PCDHGB6: variants seen among roughly 807,000 people sequenced by gnomAD.
The protein encoded by PCDHGB6 is protocadherin gamma-B6.
A neutral mutation model predicts 59.1 loss-of-function variants in PCDHGB6; 51 were observed. That is an observed-to-expected ratio of 0.86 (90% confidence interval 0.69 to 1.09). PCDHGB6 has a LOEUF of 1.09. Among genes scored for constraint, PCDHGB6 ranks in the 50% least tolerant of loss-of-function variants. The pLI is 0.00. For synonymous variants in PCDHGB6, 466 were observed against 495.1 expected (o/e 0.94, Z 0.78); for missense variants, 1,148 against 1,205.1 (o/e 0.95, Z 0.70).
chr5:141,495,853 C>T (rs1254274145), intron 2 of PCDHGB6, among the ~76,000 whole-genome samples: 1 of 152,136 alleles, frequency 6.6e-6, no homozygotes, highest in African/African-American at 2.4e-5. Context: ...TTCTCTGTCT[C>T]TCACTATTTC....
At chr5:141,415,885 C>G in intron 1 of PCDHGB6, 2 of 979,016 alleles carry the variant, frequency 2.0e-6, no homozygotes, top group Non-Finnish European at 2.7e-6. Flanking sequence ...ACAATATTGA[C>G]AATTCCTAAG....
rs762926348 is a variant in PCDHGB6, at chr5:141,408,364, A to C, written c.162A>C (p.Leu54=). ...GSVVGNLAKD[L]GLSVLDVSAR... ...TGGTGGGGAACCTCGCTAAGGATCTAGGGCTCAGTGTCCTGGATGTGTCGG... is the reference window on the plus strand; with the variant it reads ...TGGTGGGGAACCTCGCTAAGGATCTCGGGCTCAGTGTCCTGGATGTGTCGG... The change falls in exon 1 of 4, where the codon CTA becomes CTC. Residue 54 remains leucine, a synonymous_variant. Transcript: ENST00000520790. 3.7e-6 allele frequency: 6 copies of C among 1,613,960 alleles called. No individual in the cohort carries two copies. In the East Asian group the frequency reaches 1.3e-4, roughly 36 times the overall value.
chr5:141,422,762 C>A (rs745320796), intron 1 of PCDHGB6: 1 of 1,613,392 alleles, frequency 6.2e-7, no homozygotes, highest in Admixed American at 1.7e-5. Context: ...AACTCCAACA[C>A]TGGTGTTCTC....
intron 1 of PCDHGB6, chr5:141,427,312 C>T (rs1438759401): frequency 4.4e-6 from 2 of 456,954 alleles, no homozygotes; most frequent in East Asian, 6.9e-5. Context: ...GACAATGCCC[C>T]AGACGTGGTT....
intron 1 of PCDHGB6, among the ~76,000 whole-genome samples, chr5:141,472,213 C>T (rs1294676431): frequency 2.0e-5 from 3 of 152,178 alleles, no homozygotes; most frequent in African/African-American, 7.2e-5. Flanking sequence ...TAAGACCTTA[C>T]TCTCGATCAT....
chr5:141,409,034 AACT>A lies in PCDHGB6; in HGVS notation c.839_841del (p.Tyr280del). On this transcript the variant is annotated inframe_deletion, in exon 1 of 4. Transcript: ENST00000520790. ...GGATGAGGGGGTCAATGCTGAGATA[AACT>A]ACTACTTCCGAAGCACTGCCCAGAG... 6 of 1,613,992 alleles carry A rather than the reference AACT, an allele frequency of 3.7e-6. No individual in the cohort carries two copies. Among genetic ancestry groups the A allele is most frequent in the Non-Finnish European group, 4.2e-6 (5 of 1,179,906 alleles).
In PCDHGB6 at chr5:141,474,831, G is replaced by A. The variant is rs188288898; in HGVS notation, c.2419-19976G>A. On this transcript the variant is annotated intron_variant, in intron 1 of 3. Coordinates refer to ENST00000520790, the MANE Select transcript of PCDHGB6 (RefSeq NM_018926.3). ...CATCATTAATTGAGGCTTACTCTGTGCCAGGCACTTTACCTGCCTTCTTCA... is the reference window on the plus strand; with the variant it reads ...CATCATTAATTGAGGCTTACTCTGTACCAGGCACTTTACCTGCCTTCTTCA... 5.3e-5 allele frequency among the ~76,000 whole-genome samples: 8 copies of A among 152,350 alleles called. No individual in the cohort carries two copies. The East Asian group carries it at 1.5e-3, about 29-fold the overall frequency.
chr5:141,512,395 C>T lies in PCDHGB6; in HGVS notation c.*1222C>T, dbSNP rs1229077213. ...ACCAAATGAACAGAAAGTCTCAGCCCAGGATGGGGCTTCTTCAACAGGGCC... is the reference window on the plus strand; with the variant it reads ...ACCAAATGAACAGAAAGTCTCAGCCTAGGATGGGGCTTCTTCAACAGGGCC... On this transcript the variant is annotated 3_prime_UTR_variant, in exon 4 of 4. Coordinates refer to ENST00000520790, the MANE Select transcript of PCDHGB6 (RefSeq NM_018926.3). 1 of 152,690 alleles carries T rather than the reference C, an allele frequency of 6.5e-6. No individual in the cohort carries two copies. Among genetic ancestry groups the T allele is most frequent in the Non-Finnish European group, 1.5e-5 (1 of 68,072 alleles). The allele number at this position is 152,690 out of a possible 1,614,324, so 9.5% of individuals were successfully genotyped here.
chr5:141,486,444 T>G lies in PCDHGB6; in HGVS notation c.2419-8363T>G. 1 of 1,614,086 alleles carries G rather than the reference T, an allele frequency of 6.2e-7. No homozygotes were observed. Among genetic ancestry groups the G allele is most frequent in the Non-Finnish European group, 8.5e-7 (1 of 1,179,930 alleles). ...GAGGCCAAATCTAGCTATGACATCA[T>G]GGTCACTGCTTCTGATGCTGGGAAC... On this transcript the variant is annotated intron_variant, in intron 1 of 3. Coordinates refer to ENST00000520790, the MANE Select transcript of PCDHGB6 (RefSeq NM_018926.3). The surrounding 1 kb of genome is among the most constrained non-coding windows in gnomAD (Gnocchi z 5.0).
intron 1 of PCDHGB6, among the ~76,000 whole-genome samples, chr5:141,433,752 G>A (rs975941520): frequency 6.6e-6 from 1 of 151,206 alleles, no homozygotes; most frequent in Non-Finnish European, 1.5e-5. Context: ...CAGGAGAATT[G>A]CTTTAACCTG....
intron 1 of PCDHGB6, among the ~76,000 whole-genome samples, chr5:141,481,031 C>G (rs926205148): frequency 1.3e-5 from 2 of 152,108 alleles, no homozygotes; most frequent in Non-Finnish European, 2.9e-5. Flanking sequence ...GCACTCCAGC[C>G]TGGGCGACAG....
rs376067853 is a variant in PCDHGB6, at chr5:141,408,397, G to C, written c.195G>C (p.Lys65Asn). 261 of 1,614,068 alleles carry C rather than the reference G, an allele frequency of 1.6e-4. 1 individual carries two copies. In the East Asian group the frequency reaches 5.2e-3, roughly 32 times the overall value. The change falls in exon 1 of 4, where the codon AAG becomes AAC. Residue 65 changes from lysine to asparagine, a missense_variant. Coordinates refer to ENST00000520790, the MANE Select transcript of PCDHGB6 (RefSeq NM_018926.3). ...GLSVLDVSARKLRVSAEKLHF... is the reference protein window; with the variant it reads ...GLSVLDVSARNLRVSAEKLHF... The stretch of plus-strand genomic sequence containing the variant: ...GTGTCCTGGATGTGTCGGCTCGCAA[G>C]CTGCGAGTGAGCGCGGAGAAGCTGC...
intron 1 of PCDHGB6, chr5:141,413,943 T>A: frequency 1.2e-6 from 2 of 1,613,420 alleles, no homozygotes; most frequent in Non-Finnish European, 1.7e-6. Context: ...TGAGTGTTCC[T>A]GAGAATTTGC....
At chr5:141,461,603 G>A (rs1413122199) in intron 1 of PCDHGB6, among the ~76,000 whole-genome samples, 8 of 152,092 alleles carry the variant, frequency 5.3e-5, no homozygotes, top group African/African-American at 1.9e-4. Context: ...TTATAATTTA[G>A]TTCAAAGTAT....
chr5:141,423,972 T>A (rs1459859824), intron 1 of PCDHGB6: 2 of 1,128,544 alleles, frequency 1.8e-6, no homozygotes, highest in African/African-American at 3.3e-5. Flanking sequence ...CTATTATCAG[T>A]GTATGAGGCT....
chr5:141,475,914 A>C (rs2099380300), intron 1 of PCDHGB6: 1 of 592,260 alleles, frequency 1.7e-6, no homozygotes, highest in African/African-American at 1.9e-5. Context: ...GCCAATGAAG[A>C]CGCTGGAGAT....
chr5:141,475,248 C>T (rs1400887912), intron 1 of PCDHGB6, among the ~76,000 whole-genome samples: 2 of 152,166 alleles, frequency 1.3e-5, no homozygotes, highest in African/African-American at 4.8e-5. Context: ...AGAGTGTGCT[C>T]TACAACTGAG....
At chr5:141,435,800 A>G (rs530461064) in intron 1 of PCDHGB6, among the ~76,000 whole-genome samples, 20 of 152,128 alleles carry the variant, frequency 1.3e-4, no homozygotes, top group Non-Finnish European at 2.6e-4. Flanking sequence ...ATAACGTCCC[A>G]ATTATTTTTT....
At chr5:141,475,145 C>T (rs1214674720) in intron 1 of PCDHGB6, among the ~76,000 whole-genome samples, 2 of 151,980 alleles carry the variant, frequency 1.3e-5, no homozygotes, top group Non-Finnish European at 1.5e-5. Flanking sequence ...AAATCTTCTC[C>T]GTCTTCTTCT....
Sources: gnomAD v4.1 joint callset for allele counts (sites outside exome capture counted in the v4.1 genomes callset) on GRCh38, gnomAD v4.1.1 for gene constraint, Gnocchi (gnomAD v3.1) non-coding constraint, MANE v1.5 for transcripts, NCBI Gene and HGNC (gene_info 2026-07-23, HGNC 2026-07-21) for gene names.